Variants in TNRC6A observed in about 807,000 individuals in gnomAD.
The protein encoded by TNRC6A is trinucleotide repeat-containing gene 6A protein.
TNRC6A carries 44 observed loss-of-function variants against 221.2 expected under a neutral mutation model. That is an observed-to-expected ratio of 0.20 (90% confidence interval 0.16 to 0.26). The LOEUF (loss-of-function observed/expected upper bound fraction) is 0.26. TNRC6A is among the 10% of genes least tolerant of loss of function. The pLI is 1.00. For synonymous variants in TNRC6A, 847 were observed against 838.5 expected, an observed-to-expected ratio of 1.01 and a Z score of -0.18; for missense variants, 2,199 against 2,404.4, an observed-to-expected ratio of 0.91 and a Z score of 1.79.
upstream of TNRC6A, chr16:24,729,545 G>A (rs532735271): frequency 1.5e-4 from 57 of 375,202 alleles, no homozygotes; most frequent in African/African-American, 1.2e-3. Context: ...ACACGCCGGG[G>A]CGGTTGCCAA....
rs529684251 is a variant in TNRC6A, at chr16:24,715,869, C to A, written n.403-34857C>A. ...CTCTTGGCCTCAAGTGATCTGCCCA[C>A]CTTGGCCTCCCAAAGTGCCGGGATT... On this transcript the variant is annotated intron_variant and non_coding_transcript_variant, in intron 2 of 2. Coordinates refer to the TNRC6A transcript ENST00000566108. Among the ~76,000 whole-genome samples, 3 of 152,206 alleles carry A rather than the reference C, an allele frequency of 2.0e-5. No homozygotes were observed. The South Asian group carries it at 6.2e-4, about 32-fold the overall frequency.
chr16:24,742,564 G>A (rs2151306101), intron 2 of TNRC6A, among the ~76,000 whole-genome samples: 2 of 152,318 alleles, frequency 1.3e-5, no homozygotes, highest in East Asian at 3.9e-4. Flanking sequence ...GTACAAGTAG[G>A]ACTGTTTTTT....
chr16:24,771,567 TTA>T (rs1491289029), intron 4 of TNRC6A, among the ~76,000 whole-genome samples: 23 of 84,848 alleles, frequency 2.7e-4, no homozygotes, highest in South Asian at 8.0e-4. Context: ...ATGTTTTATG[TTA>T]TGTTATGTTA....
chr16:24,665,714 T>C (rs2055144528), intron 2 of TNRC6A, among the ~76,000 whole-genome samples: 1 of 152,142 alleles, frequency 6.6e-6, no homozygotes, highest in South Asian at 2.1e-4. Context: ...GTTATGACAA[T>C]AAAAAATGTC....
chr16:24,775,869 C>T (rs1203419638), intron 4 of TNRC6A, among the ~76,000 whole-genome samples: 2 of 152,198 alleles, frequency 1.3e-5, no homozygotes, highest in Non-Finnish European at 2.9e-5. Flanking sequence ...TGTGAGGATA[C>T]ATTACAGCAT....
intron 2 of TNRC6A, among the ~76,000 whole-genome samples, chr16:24,737,537 GTGA>G (rs1389606615): frequency 5.3e-5 from 8 of 152,228 alleles, no homozygotes; most frequent in Admixed American, 3.9e-4. Flanking sequence ...AGTATATTAT[GTGA>G]TGATGACTCA....
upstream of TNRC6A, among the ~76,000 whole-genome samples, chr16:24,728,445 T>TA (rs926556233): frequency 1.8e-4 from 27 of 147,606 alleles, no homozygotes; most frequent in Admixed American, 1.1e-3. Flanking sequence ...AGACTCCGCC[T>TA]AAAAAAAATG....
Position 24,794,635 on chromosome 16 carries a change from G to A in TNRC6A, c.3444G>A (p.Glu1148=). The A allele has an allele frequency of 1.2e-6, 2 of 1,614,074 alleles. No individual in the cohort carries two copies. The highest frequency in any genetic ancestry group is 2.2e-5 in the South Asian group (2 of 91,068). ...PTGWEEEEDV[E]IGMWNSNSSQ... ...GCTGGGAAGAGGAAGAGGATGTGGA[G>A]ATTGGAATGTGGAATAGTAATTCAT... Residue 1148 remains glutamate (E), a synonymous_variant, in exon 8 of 25, where the codon GAG becomes GAA. Coordinates refer to ENST00000395799, the MANE Select transcript of TNRC6A (RefSeq NM_014494.4).
At chr16:24,627,431 G>A (rs1048283704) in intron 1 of TNRC6A, among the ~76,000 whole-genome samples, 2 of 152,036 alleles carry the variant, frequency 1.3e-5, no homozygotes, top group African/African-American at 4.8e-5. Context: ...GCAGAAGGGC[G>A]GCTTCTGACC....
chr16:24,723,797 T>A (rs1245846366), intron 2 of TNRC6A, among the ~76,000 whole-genome samples: 2 of 152,182 alleles, frequency 1.3e-5, no homozygotes, highest in Admixed American at 6.5e-5. Context: ...GAGAGACAAC[T>A]GTTTCTATTT....
chr16:24,804,074 A>C (rs1239568701), intron 11 of TNRC6A, 103 bp from the exon 12 acceptor site: 23 of 1,240,844 alleles, frequency 1.9e-5, no homozygotes, highest in Non-Finnish European at 2.5e-5. Context: ...TCTTGGCTGA[A>C]GTCATTTCAG....
chr16:24,791,835 G>A lies in TNRC6A; in HGVS notation c.3175+18G>A. 3 of 1,496,444 alleles carry A rather than the reference G, an allele frequency of 2.0e-6. No individual in the cohort carries two copies. The highest frequency in any genetic ancestry group is 2.7e-6 in the Non-Finnish European group (3 of 1,127,314). 92.7% of individuals were successfully genotyped at this position (1,496,444 alleles called of 1,614,324 possible). Reference sequence around the variant, plus strand: ...TGGCTCTGGTAAGTTTCTATTTTATGAAATCAAGCCTTGTTTTAACTTACT... The same window carrying A: ...TGGCTCTGGTAAGTTTCTATTTTATAAAATCAAGCCTTGTTTTAACTTACT... On this transcript the variant is annotated intron_variant, in intron 6 of 24. Transcript: ENST00000395799.
At chr16:24,730,492 TCTTTA>T (rs971937890) in intron 2 of TNRC6A, among the ~76,000 whole-genome samples, 192 bp downstream of exon 2, 4 of 148,574 alleles carry the variant, frequency 2.7e-5, no homozygotes, top group Admixed American at 6.8e-5. Flanking sequence ...TGTGTTTCTT[TCTTTA>T]AAAAAAAAAA....
At chr16:24,726,887 C>T (rs1471655773), upstream of TNRC6A, among the ~76,000 whole-genome samples, 1 of 152,068 alleles carries the variant, frequency 6.6e-6, no homozygotes, top group African/African-American at 2.4e-5. Context: ...CATTTTTCTT[C>T]GATGTATGCA....
rs111563345 is a variant in TNRC6A at position 24,784,866 on chromosome 16, C to T, written c.590-4366C>T. On this transcript the variant is annotated intron_variant, in intron 5 of 24. Coordinates refer to ENST00000395799, the MANE Select transcript of TNRC6A (RefSeq NM_014494.4). ...AACTCATTTGCAGAATATATTCAGGCGTTTGCTTTTTTGCTTTGCTTTTGA... is the reference window on the plus strand; with the variant it reads ...AACTCATTTGCAGAATATATTCAGGTGTTTGCTTTTTTGCTTTGCTTTTGA... Among the ~76,000 whole-genome samples the T allele has an allele frequency of 6.7e-4, 102 of 152,222 alleles. 2 individuals carry two copies. Among genetic ancestry groups the T allele is most frequent in the African/African-American group, 2.3e-3 (94 of 41,542 alleles).
intron 17 of TNRC6A, among the ~76,000 whole-genome samples, chr16:24,807,411 A>G (rs1467956933): frequency 2.6e-5 from 4 of 152,208 alleles, no homozygotes; most frequent in Admixed American, 6.5e-5. Flanking sequence ...TAAGTAGGAT[A>G]TTAAGGGTGG....
chr16:24,693,955 G>A lies in TNRC6A; in HGVS notation n.402+52946G>A, dbSNP rs145906015. On this transcript the variant is annotated intron_variant and non_coding_transcript_variant, in intron 2 of 2. Coordinates refer to the TNRC6A transcript ENST00000566108. ...CATGGAAGAAAGCAGAAGTAACTCC[G>A]AAAACAACCCTCATTTCTGGCTTTG... Among the ~76,000 whole-genome samples the A allele has an allele frequency of 2.0e-4, 31 of 152,230 alleles. 1 individual carries two copies. The highest frequency in any genetic ancestry group is 1.5e-3 in the East Asian group (8 of 5,172).
intron 4 of TNRC6A, among the ~76,000 whole-genome samples, chr16:24,767,474 A>C (rs1019225783): frequency 5.9e-5 from 9 of 152,194 alleles, no homozygotes; most frequent in Non-Finnish European, 1.0e-4. Flanking sequence ...TTCCCTTTTA[A>C]ATTGGAATAT....
chr16:24,670,760 G>C (rs961188599), intron 2 of TNRC6A, among the ~76,000 whole-genome samples: 3 of 152,146 alleles, frequency 2.0e-5, no homozygotes, highest in African/African-American at 7.2e-5. Flanking sequence ...TCACGCATCA[G>C]CTGCTGCTGT....
Sources: gnomAD v4.1 joint callset for allele counts (sites outside exome capture counted in the v4.1 genomes callset) on GRCh38, gnomAD v4.1.1 for gene constraint, MANE v1.5 for transcripts, NCBI Gene and HGNC (gene_info 2026-07-23, HGNC 2026-07-21) for gene names.